The following DENND1A variants were observed in gnomAD, a reference collection of about 807,000 sequenced individuals.
DENND1A encodes DENN domain-containing protein 1A.
DENND1A carries 51 observed loss-of-function variants against 113.7 expected under a neutral mutation model. The observed-to-expected ratio is 0.45, with a 90% CI of 0.36 to 0.57. The LOEUF is 0.57. Ranked by LOEUF, DENND1A falls within the 20% of genes least tolerant of loss-of-function variation. DENND1A has a pLI of 0.00. For missense variants in DENND1A, 1,258 were observed against 1,395.9 expected (o/e 0.90, Z 1.57); for synonymous variants, 565 against 570.8 (o/e 0.99, Z 0.14).
At chr9:123,417,305 G>T (rs893558172) in intron 19 of DENND1A, among the ~76,000 whole-genome samples, 2 of 152,342 alleles carry the variant, frequency 1.3e-5, no homozygotes, top group East Asian at 3.9e-4. Flanking sequence ...TGTGCTATCA[G>T]CAAGGTTCTG....
intron 1 of DENND1A, among the ~76,000 whole-genome samples, chr9:123,903,780 C>G (rs934242061): frequency 6.6e-6 from 1 of 152,196 alleles, no homozygotes; most frequent in African/African-American, 2.4e-5. Context: ...AGCAAGGCGG[C>G]AGCGAGGCTG....
intron 9 of DENND1A, among the ~76,000 whole-genome samples, chr9:123,633,246 A>G (rs920024542): frequency 1.3e-5 from 2 of 152,044 alleles, no homozygotes; most frequent in Non-Finnish European, 2.9e-5. Context: ...AACTGGCTGC[A>G]TGTTTGTTTC....
intron 11 of DENND1A, among the ~76,000 whole-genome samples, chr9:123,605,857 A>T (rs2060132777): frequency 6.6e-6 from 1 of 152,268 alleles, no homozygotes; most frequent in African/African-American, 2.4e-5. Flanking sequence ...AACTTTTATG[A>T]ACATCTGCCA....
intron 2 of DENND1A, among the ~76,000 whole-genome samples, chr9:123,846,436 T>C (rs570253728): frequency 3.2e-4 from 48 of 152,294 alleles, no homozygotes; most frequent in African/African-American, 1.1e-3. Context: ...TGCTGAAAAG[T>C]GGAGATAACC....
chr9:123,806,786 CA>C (rs1835653359), intron 2 of DENND1A, among the ~76,000 whole-genome samples: 1 of 152,006 alleles, frequency 6.6e-6, no homozygotes, highest in African/African-American at 2.4e-5. Flanking sequence ...AAAGGCCTAG[CA>C]TATAAATACT....
chr9:123,592,828 G>A (rs759119026), intron 11 of DENND1A, among the ~76,000 whole-genome samples: 1 of 152,076 alleles, frequency 6.6e-6, no homozygotes, highest in African/African-American at 2.4e-5. Flanking sequence ...TAGGATGGGT[G>A]CATCTTTCCC....
At chr9:123,729,402 A>G (rs895911997) in intron 5 of DENND1A, among the ~76,000 whole-genome samples, 5 of 152,244 alleles carry the variant, frequency 3.3e-5, no homozygotes, top group East Asian at 1.9e-4. Flanking sequence ...CTGATAAGCA[A>G]CTTCAGCAAA....
At chr9:123,472,856 G>C (rs927830272) in intron 13 of DENND1A, among the ~76,000 whole-genome samples, 13 of 152,186 alleles carry the variant, frequency 8.5e-5, no homozygotes, top group Admixed American at 8.5e-4. Flanking sequence ...GCCTTTGTGT[G>C]TGCTGGGCCC....
At chr9:123,883,496 G>C (rs1848595823) in intron 1 of DENND1A, among the ~76,000 whole-genome samples, 1 of 152,156 alleles carries the variant, frequency 6.6e-6, no homozygotes, top group South Asian at 2.1e-4. Flanking sequence ...CATCCCCAGA[G>C]TGTCTCAGGT....
chr9:123,819,808 C>CT (rs1286219018), intron 2 of DENND1A, among the ~76,000 whole-genome samples: 1 of 152,130 alleles, frequency 6.6e-6, no homozygotes, highest in East Asian at 1.9e-4. Context: ...GAGTGCTAGG[C>CT]TTACAGGTGT....
At chr9:123,651,448 C>T (rs1252324184) in intron 9 of DENND1A, among the ~76,000 whole-genome samples, 6 of 152,246 alleles carry the variant, frequency 3.9e-5, no homozygotes, top group African/African-American at 9.6e-5. Context: ...GGCAAAGCTG[C>T]GGTGAAAATG....
intron 13 of DENND1A, among the ~76,000 whole-genome samples, chr9:123,472,966 G>A (rs1458345965): frequency 2.0e-5 from 3 of 152,160 alleles, no homozygotes; most frequent in Non-Finnish European, 4.4e-5. Flanking sequence ...TCCTTGCCCG[G>A]GGCTGGGTCA....
chr9:123,433,940 T>C (rs1455026872), intron 19 of DENND1A, among the ~76,000 whole-genome samples: 1 of 152,192 alleles, frequency 6.6e-6, no homozygotes, highest in Non-Finnish European at 1.5e-5. Context: ...GGGACACCTA[T>C]GACTGACCTT....
chr9:123,808,107 T>C (rs1214468416), intron 2 of DENND1A, among the ~76,000 whole-genome samples: 1 of 151,700 alleles, frequency 6.6e-6, no homozygotes, highest in African/African-American at 2.4e-5. Context: ...GCACCTGTAA[T>C]CCCAACTACT....
chr9:123,392,912 T>C (rs540314512), intron 21 of DENND1A, among the ~76,000 whole-genome samples: 1 of 152,326 alleles, frequency 6.6e-6, no homozygotes, highest in East Asian at 1.9e-4. Flanking sequence ...GAACATATGA[T>C]GTTTGGTTTT....
At chr9:123,637,793 G>C (rs1485657455) in intron 9 of DENND1A, among the ~76,000 whole-genome samples, 1 of 152,088 alleles carries the variant, frequency 6.6e-6, no homozygotes, top group Non-Finnish European at 1.5e-5. Flanking sequence ...TGAAATGCAG[G>C]GCTGCTTTTC....
At chr9:123,402,683 G>GGACAAAGGGAAGCAGTGCTACCTTCTGCA in intron 21 of DENND1A, 2 of 518,356 alleles carry the variant, frequency 3.9e-6, no homozygotes, top group South Asian at 2.9e-5. Flanking sequence ...CTCCTTTTGC[G>GGACAAAGGGAAGCAGTGCTACCTTCTGCA]GACAAAGGGA....
chr9:123,580,654 T>G (rs1189317461), intron 12 of DENND1A, among the ~76,000 whole-genome samples: 1 of 152,188 alleles, frequency 6.6e-6, no homozygotes, highest in East Asian at 1.9e-4. Flanking sequence ...GCCTGAGATA[T>G]CCATGGCTTC....
chr9:123,804,966 A>G (rs1835291577), intron 2 of DENND1A, among the ~76,000 whole-genome samples: 1 of 151,952 alleles, frequency 6.6e-6, no homozygotes, highest in Non-Finnish European at 1.5e-5. Flanking sequence ...ATACCTCTGC[A>G]CTCACTTCCT....
Sources: gnomAD v4.1 joint callset for allele counts (sites outside exome capture counted in the v4.1 genomes callset) on GRCh38, gnomAD v4.1.1 for gene constraint, MANE v1.5 for transcripts, NCBI Gene and HGNC (gene_info 2026-07-23, HGNC 2026-07-21) for gene names.